NFIB: variants seen among roughly 807,000 people sequenced by gnomAD.
NFIB encodes the protein nuclear factor 1 B-type.
A neutral mutation model predicts 61.5 loss-of-function variants in NFIB; 11 were observed. The observed-to-expected ratio is 0.18, with a 90% confidence interval of 0.11 to 0.30. The LOEUF (loss-of-function observed/expected upper bound fraction) is 0.30, where lower values mean the gene tolerates loss of function less well. Among genes scored for constraint, NFIB ranks in the 10% least tolerant of loss-of-function variants. The pLI is 1.00. For synonymous variants in NFIB, 260 were observed against 216.5 expected (o/e 1.20, Z -1.76); for missense variants, 471 against 608.9 (o/e 0.77, Z 2.38).
chr9:14,083,296 A>C lies in NFIB; in HGVS notation c.*5013T>G, dbSNP rs143548600. ...TTGTGCAGGGTCAAAGGGCAAAATCAGTGGTCCATGTTACCCCCCAACTGC... is the reference window on the plus strand; with the variant it reads ...TTGTGCAGGGTCAAAGGGCAAAATCCGTGGTCCATGTTACCCCCCAACTGC... On this transcript the variant is annotated 3_prime_UTR_variant, in exon 11 of 11. Transcript: ENST00000380953. The C allele has an allele frequency of 4.9e-4, 111 of 226,330 alleles. 3 individuals are homozygous for C. In the East Asian group the frequency reaches 6.8e-3, roughly 14 times the overall value. 14.0% of individuals were successfully genotyped at this position (226,330 alleles called of 1,614,324 possible).
the NFIB span, among the ~76,000 whole-genome samples, chr9:14,485,453 T>C: frequency 3.9e-4 from 59 of 152,360 alleles, no homozygotes; most frequent in African/African-American, 1.1e-3. Flanking sequence ...TCTTCACTGA[T>C]TGAACTATAC....
At chr9:14,433,650 C>G in the NFIB span, among the ~76,000 whole-genome samples, 1 of 152,112 alleles carries the variant, frequency 6.6e-6, no homozygotes. Flanking sequence ...CGAGTCTGCT[C>G]AAAGCAGAAC....
the NFIB span, among the ~76,000 whole-genome samples, chr9:14,477,688 A>G: frequency 6.6e-6 from 1 of 152,190 alleles, no homozygotes; most frequent in African/African-American, 2.4e-5. Flanking sequence ...AAGTACTGAA[A>G]TGAAAGTATA....
intron 2 of NFIB, among the ~76,000 whole-genome samples, chr9:14,237,804 GTGTGTGTGTGTA>G: frequency 2.6e-5 from 3 of 113,392 alleles, no homozygotes; most frequent in South Asian, 2.9e-4. Context: ...GTGTGTGTGT[GTGTGTGTGTGTA>G]AGCTCCTCAC....
intron 1 of NFIB, among the ~76,000 whole-genome samples, chr9:14,390,257 G>T (rs2061604042): frequency 6.6e-6 from 1 of 152,100 alleles, no homozygotes; most frequent in Admixed American, 6.5e-5. Flanking sequence ...GCATGACCTT[G>T]GGCAGATTAC....
At chr9:14,140,563 A>G (rs866773253) in intron 6 of NFIB, among the ~76,000 whole-genome samples, 1 of 152,196 alleles carries the variant, frequency 6.6e-6, no homozygotes. Flanking sequence ...AATTTTTGTT[A>G]CAAAAAAACT....
chr9:14,267,724 G>A (rs1321135009), intron 2 of NFIB, among the ~76,000 whole-genome samples: 1 of 152,324 alleles, frequency 6.6e-6, no homozygotes, highest in East Asian at 1.9e-4. Context: ...CAGAGACCAT[G>A]TCTGTCTTGT....
intron 2 of NFIB, among the ~76,000 whole-genome samples, chr9:14,187,668 A>G (rs1049558568): frequency 1.3e-5 from 2 of 152,174 alleles, no homozygotes; most frequent in Non-Finnish European, 2.9e-5. Context: ...ATTAGGTACA[A>G]AGAGTCATAT....
chr9:14,115,232 T>G (rs2037946736), intron 9 of NFIB, among the ~76,000 whole-genome samples: 1 of 152,048 alleles, frequency 6.6e-6, no homozygotes, highest in African/African-American at 2.4e-5. Context: ...TGCATGCCTC[T>G]GATTGTCTCT....
At chr9:14,442,547 C>A in the NFIB span, among the ~76,000 whole-genome samples, 1 of 152,112 alleles carries the variant, frequency 6.6e-6, no homozygotes, top group East Asian at 1.9e-4. Context: ...AGGGCTGGTT[C>A]CTTCTGAGGG....
At chr9:14,218,125 G>C (rs971662728) in intron 2 of NFIB, among the ~76,000 whole-genome samples, 2 of 152,124 alleles carry the variant, frequency 1.3e-5, no homozygotes, top group Admixed American at 6.6e-5. Context: ...TAAGAATAAT[G>C]AGCTGAGAGC....
At chr9:14,516,037 C>T in the NFIB span, among the ~76,000 whole-genome samples, 3 of 152,218 alleles carry the variant, frequency 2.0e-5, no homozygotes, top group Middle Eastern at 3.2e-3. Flanking sequence ...AAGCCATTGG[C>T]GAGCACCTGC....
Position 14,231,843 on chromosome 9 carries a change from C to T in NFIB, c.563-52063G>A, listed in dbSNP as rs1323056758. On this transcript the variant is annotated intron_variant, in intron 2 of 10. Transcript: ENST00000380953. The stretch of plus-strand genomic sequence containing the variant: ...GATTTTAAGCTCCAGTTAACAAAAA[C>T]CCTTTTTGTTGGAGTCTAAAACAAG... Among the ~76,000 whole-genome samples the T allele has an allele frequency of 2.0e-5, 3 of 152,082 alleles. No individual in the cohort carries two copies. In the East Asian group the frequency reaches 5.8e-4, roughly 29 times the overall value.
chr9:14,122,175 T>C (rs2039026302), intron 7 of NFIB, among the ~76,000 whole-genome samples: 1 of 17,660 alleles, frequency 5.7e-5, no homozygotes, highest in African/African-American at 2.5e-4. Flanking sequence ...TTTGAAACTA[T>C]GTGGGTGGGG....
chr9:14,204,744 T>C (rs887103045), intron 2 of NFIB: 26 of 576,142 alleles, frequency 4.5e-5, no homozygotes, highest in South Asian at 9.8e-5. Flanking sequence ...ATCGAGCTGG[T>C]TGTGTTCCTG....
intron 2 of NFIB, among the ~76,000 whole-genome samples, chr9:14,195,865 G>A (rs774534120): frequency 1.3e-5 from 2 of 151,914 alleles, no homozygotes; most frequent in Non-Finnish European, 2.9e-5. Flanking sequence ...GGAAAAAGGG[G>A]GTGGGGTATT....
At chr9:14,476,362 G>A in the NFIB span, among the ~76,000 whole-genome samples, 2 of 151,788 alleles carry the variant, frequency 1.3e-5, no homozygotes, top group Non-Finnish European at 2.9e-5. Flanking sequence ...CAGATAATGG[G>A]GAGTACAGAT....
the NFIB span, among the ~76,000 whole-genome samples, chr9:14,500,015 G>C: frequency 3.9e-5 from 6 of 152,200 alleles, no homozygotes; most frequent in African/African-American, 1.4e-4. Flanking sequence ...CCGTCGGAGA[G>C]CGGGCACTCA....
At chr9:14,440,275 G>A in the NFIB span, among the ~76,000 whole-genome samples, 6 of 152,138 alleles carry the variant, frequency 3.9e-5, no homozygotes, top group Non-Finnish European at 7.3e-5. Flanking sequence ...CAGAGCACAC[G>A]CTGACTAGAT....
Sources: gnomAD v4.1 joint callset for allele counts (sites outside exome capture counted in the v4.1 genomes callset) on GRCh38, gnomAD v4.1.1 for gene constraint, MANE v1.5 for transcripts, NCBI Gene and HGNC (gene_info 2026-07-23, HGNC 2026-07-21) for gene names.